PLA2G4C: variants seen among roughly 807,000 people sequenced by gnomAD.
PLA2G4C encodes the protein cytosolic phospholipase A2 gamma.
A neutral mutation model predicts 73.8 loss-of-function variants in PLA2G4C; 64 were observed. The observed-to-expected ratio is 0.87, with a 90% confidence interval of 0.71 to 1.07. The LOEUF (loss-of-function observed/expected upper bound fraction) is 1.07, where lower values mean the gene tolerates loss of function less well. Ranked by LOEUF, PLA2G4C falls within the 50% of genes least tolerant of loss-of-function variation. PLA2G4C has a pLI of 0.00. For missense variants in PLA2G4C, 622 were observed against 665.4 expected (o/e 0.93, Z 0.72); for synonymous variants, 254 against 252.1 (o/e 1.01, Z -0.07).
Position 48,075,745 on chromosome 19 carries a change from C to T in PLA2G4C, c.899-871G>A, listed in dbSNP as rs572676433. Among the ~76,000 whole-genome samples the T allele has an allele frequency of 1.2e-3, 189 of 152,288 alleles. 1 individual carries two copies. The highest frequency in any genetic ancestry group is 3.4e-3 in the Middle Eastern group (1 of 294). On this transcript the variant is annotated intron_variant, in intron 11 of 16. Transcript: ENST00000599921. ...TGGTCTCAACACCTCCCAAAGGCCC[C>T]ATCTCTTAATACCATCACCTTGGGG...
At chr19:48,068,221 C>T (rs1030576482) in intron 12 of PLA2G4C, among the ~76,000 whole-genome samples, 8 of 148,974 alleles carry the variant, frequency 5.4e-5, no homozygotes, top group African/African-American at 2.0e-4. Flanking sequence ...AGGAGAATCG[C>T]TTGAACCTGG....
chr19:48,048,090 C>T lies in PLA2G4C; in HGVS notation c.*253G>A, dbSNP rs1330531296. On this transcript the variant is annotated 3_prime_UTR_variant, in exon 17 of 17. Coordinates refer to ENST00000599921, the MANE Select transcript of PLA2G4C (RefSeq NM_003706.3). Reference sequence around the variant, plus strand: ...CTTCTGATTGTCAGACACTCATGCTCCAGCTCCAGGATCTCCCGAGGGACC... The same window carrying T: ...CTTCTGATTGTCAGACACTCATGCTTCAGCTCCAGGATCTCCCGAGGGACC... 1 of 508,822 alleles carries T rather than the reference C, an allele frequency of 2.0e-6. No individual in the cohort carries two copies. Among genetic ancestry groups the T allele is most frequent in the Non-Finnish European group, 3.4e-6 (1 of 293,194 alleles). The allele number at this position is 508,822 out of a possible 1,614,324, so 31.5% of individuals were successfully genotyped here. A position where few individuals can be genotyped will look rare whatever the true frequency, so the allele number is the denominator to read the frequency against.
chr19:48,099,995 ATTT>A, intron 4 of PLA2G4C, 135 bp from the exon 5 acceptor site: 1 of 569,088 alleles, frequency 1.8e-6, no homozygotes, highest in Non-Finnish European at 3.1e-6. Flanking sequence ...GAAACGGAAA[ATTT>A]CCATTAAATA....
intron 11 of PLA2G4C, among the ~76,000 whole-genome samples, chr19:48,075,593 A>G (rs2030097594): frequency 1.3e-5 from 2 of 152,072 alleles, no homozygotes; most frequent in Non-Finnish European, 2.9e-5. Context: ...TGAGAACGTC[A>G]CCTGCCAGGC....
chr19:48,099,643 C>A, intron 5 of PLA2G4C, 28 bp downstream of exon 5: 3 of 1,583,492 alleles, frequency 1.9e-6, no homozygotes, highest in Non-Finnish European at 2.6e-6. Flanking sequence ...CTACCCCCAC[C>A]CCAGGTCCCC....
In PLA2G4C at chr19:48,099,725, A is replaced by G. The variant is rs916481037; in HGVS notation, c.393T>C (p.Asn131=). ...QKTIQAARSE[N]YSLTDFWAYM... is the part of the protein sequence containing the mutation. ...AGGCCCAGAAGTCGGTCAGAGAGTA[A>G]TTCTCAGACCTCGCTGCTTGGATGG... is the stretch of plus-strand genomic sequence containing the variant. The change falls in exon 5 of 17, where the codon AAT becomes AAC. Residue 131 remains asparagine, a synonymous_variant. Transcript: ENST00000599921. 5.6e-6 allele frequency: 9 copies of G among 1,613,980 alleles called. No individual in the cohort carries two copies. Among genetic ancestry groups the G allele is most frequent in the Non-Finnish European group, 7.6e-6 (9 of 1,180,022 alleles).
At position 48,110,531 on chromosome 19, in the gene PLA2G4C, T is replaced by TGCCCCGGAATCCGGTGCGGAGGCGTGG; in HGVS notation, c.-78_-77insCCACGCCTCCGCACCGGATTCCGGGGC. On this transcript the variant is annotated 5_prime_UTR_variant, in exon 1 of 17. Coordinates refer to ENST00000599921, the MANE Select transcript of PLA2G4C (RefSeq NM_003706.3). Reference sequence around the variant, plus strand: ...GTGTGCGCATGCGCGGTGGAGCTTGTGCTCCGGAATCCGGTGCGGAGGCTT... The same window carrying TGCCCCGGAATCCGGTGCGGAGGCGTGG: ...GTGTGCGCATGCGCGGTGGAGCTTGTGCCCCGGAATCCGGTGCGGAGGCGTGGGCTCCGGAATCCGGTGCGGAGGCTT... 7.2e-7 allele frequency: 1 copy of TGCCCCGGAATCCGGTGCGGAGGCGTGG among 1,386,158 alleles called. No homozygotes were observed. The allele number at this position is 1,386,158 out of a possible 1,614,324, so 85.9% of individuals were successfully genotyped here.
chr19:48,103,793 G>A (rs999977441), intron 4 of PLA2G4C, among the ~76,000 whole-genome samples: 2 of 152,150 alleles, frequency 1.3e-5, no homozygotes, highest in African/African-American at 4.8e-5. Flanking sequence ...ATGTCAGAAG[G>A]TAGTATTATT....
chr19:48,107,942 C>T (rs1177683775), intron 1 of PLA2G4C, among the ~76,000 whole-genome samples: 2 of 152,214 alleles, frequency 1.3e-5, no homozygotes, highest in Admixed American at 6.5e-5. Context: ...CCAGTGGACA[C>T]GTGACTCACA....
Position 48,048,113 on chromosome 19 carries a change from A to C in PLA2G4C, c.*230T>G. ...CTCCAGCTCCAGGATCTCCCGAGGG[A>C]CCTGCAGGACAAATTTCACCACCTT... On this transcript the variant is annotated 3_prime_UTR_variant, in exon 17 of 17. Coordinates refer to ENST00000599921, the MANE Select transcript of PLA2G4C (RefSeq NM_003706.3). The C allele has an allele frequency of 1.9e-6, 1 of 524,570 alleles. No homozygotes were observed. Among genetic ancestry groups the C allele is most frequent in the Non-Finnish European group, 3.3e-6 (1 of 302,786 alleles). 32.5% of individuals were successfully genotyped at this position (524,570 alleles called of 1,614,324 possible). A position where few individuals can be genotyped will look rare whatever the true frequency, so the allele number is the denominator to read the frequency against.
At chr19:48,099,642 C>A in intron 5 of PLA2G4C, 29 bp downstream of exon 5, 3 of 1,577,750 alleles carry the variant, frequency 1.9e-6, no homozygotes, top group Non-Finnish European at 2.6e-6. Context: ...CCTACCCCCA[C>A]CCCAGGTCCC....
intron 1 of PLA2G4C, chr19:48,106,810 G>A (rs1350458921): frequency 9.2e-6 from 5 of 541,438 alleles, no homozygotes; most frequent in Non-Finnish European, 1.3e-5. Flanking sequence ...GTTTTTCCTC[G>A]CTCTTTCTCT....
intron 13 of PLA2G4C, among the ~76,000 whole-genome samples, chr19:48,062,649 C>T (rs1413713733): frequency 6.6e-6 from 1 of 152,090 alleles, no homozygotes; most frequent in Non-Finnish European, 1.5e-5. Flanking sequence ...CATGTTGAAG[C>T]TCTTACCTCC....
rs550576701 is a variant in PLA2G4C at position 48,071,664 on chromosome 19, G to A, written c.1006+3103C>T. Among the ~76,000 whole-genome samples, 117 of 151,902 alleles carry A rather than the reference G, an allele frequency of 7.7e-4. 1 individual carries two copies. The highest frequency in any genetic ancestry group is 2.7e-3 in the African/African-American group (112 of 41,402). ...CTCACTACGTTGCCCAGGCTTGCTG[G>A]TCTTGAACTCCTGGCCTCAAGCGAC... On this transcript the variant is annotated intron_variant, in intron 12 of 16. Coordinates refer to ENST00000599921, the MANE Select transcript of PLA2G4C (RefSeq NM_003706.3).
chr19:48,071,941 T>C (rs1600190973), intron 12 of PLA2G4C, among the ~76,000 whole-genome samples: 1 of 149,804 alleles, frequency 6.7e-6, no homozygotes, highest in African/African-American at 2.5e-5. Context: ...AGGTCAGGAG[T>C]TCAAGACCAG....
chr19:48,101,497 C>T (rs188402719), intron 4 of PLA2G4C, among the ~76,000 whole-genome samples: 1 of 151,924 alleles, frequency 6.6e-6, no homozygotes, highest in African/African-American at 2.4e-5. Context: ...TCACACCATC[C>T]AATGTATTAA....
At chr19:48,082,815 C>CTTTT (rs936169612) in intron 10 of PLA2G4C, among the ~76,000 whole-genome samples, 8 of 120,476 alleles carry the variant, frequency 6.6e-5, no homozygotes, top group Admixed American at 8.9e-5. Context: ...TTCTTTCTTT[C>CTTTT]TTTTTTTTTT....
At chr19:48,089,008 A>C (rs445899) in intron 8 of PLA2G4C, among the ~76,000 whole-genome samples, 14,158 of 152,266 alleles carry the variant, frequency 0.093, 1,401 homozygotes, top group African/African-American at 0.25. Context: ...AAAGCTTAGC[A>C]GACCCACTGG....
intron 10 of PLA2G4C, among the ~76,000 whole-genome samples, chr19:48,082,917 C>A (rs1414250666): frequency 1.4e-5 from 2 of 147,482 alleles, no homozygotes; most frequent in Non-Finnish European, 3.0e-5. Context: ...AGGTTCACGC[C>A]ATTCTCCTGC....
Sources: allele counts gnomAD v4.1 joint callset (sites outside exome capture counted in the v4.1 genomes callset), GRCh38; gene constraint gnomAD v4.1.1; transcripts MANE v1.5; gene names NCBI Gene and HGNC (gene_info 2026-07-23, HGNC 2026-07-21).